Variants in SDK1 observed in about 807,000 individuals in gnomAD.
The protein encoded by SDK1 is protein sidekick-1.
A neutral mutation model predicts 245.5 loss-of-function variants in SDK1; 157 were observed. The ratio of observed to expected loss-of-function variants is 0.64; its 90% CI spans 0.56 to 0.73. The LOEUF (loss-of-function observed/expected upper bound fraction) is 0.73. Ranked by LOEUF, SDK1 falls within the 30% of genes least tolerant of loss-of-function variation. The probability of loss-of-function intolerance (pLI) is 0.00; values close to 1 mark genes in which losing one functional copy is unlikely to be tolerated. For missense variants in SDK1, 3,583 were observed against 3,002.3 expected (o/e 1.19, Z -4.52); for synonymous variants, 1,647 against 1,278.5 (o/e 1.29, Z -6.15).
chr7:3,613,289 G>C (rs2128642843), intron 1 of SDK1, among the ~76,000 whole-genome samples: 1 of 152,240 alleles, frequency 6.6e-6, no homozygotes, highest in Non-Finnish European at 1.5e-5. Flanking sequence ...CAGATAGATG[G>C]GTCATGGTCC....
intron 1 of SDK1, among the ~76,000 whole-genome samples, chr7:3,329,281 A>G (rs533499788): frequency 2.0e-4 from 30 of 152,298 alleles, no homozygotes; most frequent in Non-Finnish European, 3.8e-4. Context: ...TCTGGGGAAA[A>G]GCAGATTCTT....
rs1491187041 is a variant in SDK1, at chr7:3,723,925, T to TATAC, written c.713+81823_713+81824insCATA. ...ATACACGTACATATATATATACACGTATATATATATATATATATAGAGAGA... is the reference window on the plus strand; with the variant it reads ...ATACACGTACATATATATATACACGTATACATATATATATATATATATAGAGAGA... On this transcript the variant is annotated intron_variant, in intron 4 of 44. Transcript: ENST00000404826. 6.2e-4 allele frequency among the ~76,000 whole-genome samples: 48 copies of TATAC among 77,670 alleles called. 3 individuals are homozygous for TATAC. Among genetic ancestry groups the TATAC allele is most frequent in the Non-Finnish European group, 8.7e-4 (35 of 40,106 alleles). 51.0% of individuals were successfully genotyped at this position (77,670 alleles called of 152,430 possible).
chr7:3,950,667 G>A (rs374930144), intron 5 of SDK1, among the ~76,000 whole-genome samples: 55 of 152,218 alleles, frequency 3.6e-4, no homozygotes, highest in Admixed American at 6.5e-4. Context: ...TGAAAATATC[G>A]GAAGTCAAAA....
chr7:3,488,028 T>C (rs1028946320), intron 1 of SDK1, among the ~76,000 whole-genome samples: 5 of 152,208 alleles, frequency 3.3e-5, no homozygotes, highest in East Asian at 1.9e-4. Flanking sequence ...GTAATTCTTA[T>C]TAGACTAGAG....
chr7:3,509,130 C>T (rs927976876), intron 1 of SDK1, among the ~76,000 whole-genome samples: 2 of 151,854 alleles, frequency 1.3e-5, no homozygotes, highest in Admixed American at 6.6e-5. Context: ...TACTCAGACA[C>T]ACAGACATCC....
At chr7:3,812,660 T>C (rs969558728) in intron 4 of SDK1, among the ~76,000 whole-genome samples, 3 of 152,240 alleles carry the variant, frequency 2.0e-5, no homozygotes, top group African/African-American at 4.8e-5. Flanking sequence ...TTGACTGGTC[T>C]TTTCCTGCCT....
chr7:3,525,394 G>A (rs1238699944), intron 1 of SDK1, among the ~76,000 whole-genome samples: 1 of 151,968 alleles, frequency 6.6e-6, no homozygotes, highest in Non-Finnish European at 1.5e-5. Context: ...TTGCTCCTGG[G>A]GTTGTTTGAC....
At chr7:3,649,459 A>G (rs1006790241) in intron 4 of SDK1, among the ~76,000 whole-genome samples, 13 of 151,814 alleles carry the variant, frequency 8.6e-5, no homozygotes, top group South Asian at 2.1e-4. Context: ...TCTAATTTCT[A>G]TTACTGCAGG....
At chr7:3,512,151 G>A (rs185085855) in intron 1 of SDK1, among the ~76,000 whole-genome samples, 131 of 151,826 alleles carry the variant, frequency 8.6e-4, no homozygotes, top group South Asian at 2.9e-3. Context: ...GCAACCACAC[G>A]TCTTTTAACT....
intron 2 of SDK1, among the ~76,000 whole-genome samples, chr7:3,629,085 G>A (rs1170636841): frequency 6.6e-6 from 1 of 151,232 alleles, no homozygotes; most frequent in Admixed American, 6.6e-5. Context: ...GAGGTCAGGT[G>A]ATTGAGACCA....
At chr7:3,689,104 A>C (rs1406056736) in intron 4 of SDK1, among the ~76,000 whole-genome samples, 2 of 152,166 alleles carry the variant, frequency 1.3e-5, no homozygotes, top group Non-Finnish European at 1.5e-5. Flanking sequence ...TGTGGAGTTG[A>C]GTAGTTGTGA....
chr7:4,067,954 T>A lies in SDK1; in HGVS notation c.3010+18T>A. 1 of 1,558,384 alleles carries A rather than the reference T, an allele frequency of 6.4e-7. No individual in the cohort carries two copies. The highest frequency in any genetic ancestry group is 1.7e-4 in the Middle Eastern group (1 of 5,960). On this transcript the variant is annotated intron_variant, in intron 20 of 44. Coordinates refer to ENST00000404826, the MANE Select transcript of SDK1 (RefSeq NM_152744.4). Reference sequence around the variant, plus strand: ...CATTACTGGTAAGTAGGCCTGTCCTTCAAAAAAGGAAAAGATAAGTTTGTC... The same window carrying A: ...CATTACTGGTAAGTAGGCCTGTCCTACAAAAAAGGAAAAGATAAGTTTGTC...
At chr7:4,131,197 C>T (rs1484234340) in intron 27 of SDK1, among the ~76,000 whole-genome samples, 2 of 152,184 alleles carry the variant, frequency 1.3e-5, no homozygotes, top group Non-Finnish European at 2.9e-5. Flanking sequence ...TAACAGCAGG[C>T]CCACTGCAAC....
At chr7:3,323,437 G>T (rs1779866776) in intron 1 of SDK1, among the ~76,000 whole-genome samples, 1 of 152,140 alleles carries the variant, frequency 6.6e-6, no homozygotes, top group African/African-American at 2.4e-5. Context: ...CAGTGTTTGG[G>T]CCATAAGATG....
intron 22 of SDK1, among the ~76,000 whole-genome samples, chr7:4,103,121 C>G (rs1457462501): frequency 2.0e-5 from 3 of 152,026 alleles, no homozygotes; most frequent in African/African-American, 7.2e-5. Flanking sequence ...CTGCCTCAGC[C>G]TCCAGAGTAG....
intron 5 of SDK1, among the ~76,000 whole-genome samples, chr7:3,938,707 A>G (rs557763270): frequency 6.6e-6 from 1 of 151,930 alleles, no homozygotes; most frequent in South Asian, 2.1e-4. Flanking sequence ...GGATCACTCT[A>G]GCATCCAATC....
chr7:4,203,784 A>G (rs959309690), intron 35 of SDK1, among the ~76,000 whole-genome samples: 42 of 152,246 alleles, frequency 2.8e-4, no homozygotes, highest in Non-Finnish European at 5.7e-4. Context: ...CGCTTTGCTC[A>G]GCGTTGACAT....
At chr7:3,563,311 G>T (rs1211948292) in intron 1 of SDK1, among the ~76,000 whole-genome samples, 2 of 152,238 alleles carry the variant, frequency 1.3e-5, no homozygotes, top group South Asian at 2.1e-4. Flanking sequence ...ATTATCCATC[G>T]TAAAGATGTA....
chr7:4,029,617 C>T (rs925802205), intron 17 of SDK1, among the ~76,000 whole-genome samples: 1 of 152,086 alleles, frequency 6.6e-6, no homozygotes, highest in African/African-American at 2.4e-5. Flanking sequence ...GATGGACTCC[C>T]ACTCACATCA....
Sources: gnomAD v4.1 joint callset for allele counts (sites outside exome capture counted in the v4.1 genomes callset) on GRCh38, gnomAD v4.1.1 for gene constraint, MANE v1.5 for transcripts, NCBI Gene and HGNC (gene_info 2026-07-23, HGNC 2026-07-21) for gene names.